The following ZNF385B variants were observed in gnomAD, a reference collection of about 807,000 sequenced individuals.
ZNF385B encodes the protein zinc finger protein 533.
Under a neutral mutation model 39.2 loss-of-function variants are expected in ZNF385B, and 23 were observed. The ratio of observed to expected loss-of-function variants is 0.59; its 90% CI spans 0.42 to 0.83. The LOEUF is 0.83. Among genes scored for constraint, ZNF385B ranks in the 40% least tolerant of loss-of-function variants. The pLI, the probability that ZNF385B is intolerant of heterozygous loss-of-function variation, is 0.00. For synonymous variants in ZNF385B, 205 were observed against 222.6 expected, an observed-to-expected ratio of 0.92 and a Z score of 0.70; for missense variants, 552 against 598.9, an observed-to-expected ratio of 0.92 and a Z score of 0.82.
At chr2:179,510,857 G>A (rs1449861790) in intron 5 of ZNF385B, among the ~76,000 whole-genome samples, 1 of 152,138 alleles carries the variant, frequency 6.6e-6, no homozygotes, top group African/African-American at 2.4e-5. Context: ...CACAGGGGAA[G>A]AGAAACATAA....
intron 4 of ZNF385B, among the ~76,000 whole-genome samples, chr2:179,535,465 C>T (rs2059503751): frequency 6.6e-6 from 1 of 151,992 alleles, no homozygotes; most frequent in Non-Finnish European, 1.5e-5. Flanking sequence ...TTTGTTTTTC[C>T]TTTTCAGTGG....
intron 3 of ZNF385B, among the ~76,000 whole-genome samples, chr2:179,757,102 C>A (rs943402321): frequency 6.6e-6 from 1 of 152,006 alleles, no homozygotes; most frequent in African/African-American, 2.4e-5. Flanking sequence ...TTTTATCTAC[C>A]TTTGGTCTTT....
In ZNF385B at chr2:179,592,829, CTGTGTCTT is replaced by C. The variant is rs1687681460; in HGVS notation, c.299-47868_299-47861del. On this transcript the variant is annotated intron_variant, in intron 3 of 9. Transcript: ENST00000410066. ...TCTAATCCTCATATACTTTATTTCTCTGTGTCTTTTTTGTTATTGAGAGCAGGCCCCAA... is the reference window on the plus strand; with the variant it reads ...TCTAATCCTCATATACTTTATTTCTCTTTTGTTATTGAGAGCAGGCCCCAA... Among the ~76,000 whole-genome samples, 24 of 152,228 alleles carry C rather than the reference CTGTGTCTT, an allele frequency of 1.6e-4. No homozygotes were observed. The South Asian group carries it at 5.0e-3, about 32-fold the overall frequency.
At chr2:179,621,766 C>T (rs185263548) in intron 3 of ZNF385B, among the ~76,000 whole-genome samples, 11 of 152,280 alleles carry the variant, frequency 7.2e-5, no homozygotes, top group African/African-American at 2.2e-4. Context: ...GAATCACCTC[C>T]GTGTCACACC....
Position 179,544,810 on chromosome 2 carries a change from G to A in ZNF385B, c.441+17C>T. 1 of 1,613,696 alleles carries A rather than the reference G, an allele frequency of 6.2e-7. No individual in the cohort carries two copies. ...GATGGAGGAGGACACAAATAAAATA[G>A]AAATGAATTTACTCACTGTGTTAAA... On this transcript the variant is annotated intron_variant, in intron 4 of 9. Coordinates refer to ENST00000410066, the MANE Select transcript of ZNF385B (RefSeq NM_152520.6).
At chr2:179,853,936 T>G (rs1432980106) in intron 1 of ZNF385B, among the ~76,000 whole-genome samples, 5 of 152,222 alleles carry the variant, frequency 3.3e-5, no homozygotes, top group African/African-American at 1.2e-4. Flanking sequence ...GGCTCTGCTA[T>G]TTCCCATCTT....
rs570996683 is a variant in ZNF385B at position 179,466,135 on chromosome 2, G to A, written c.715+17137C>T. Among the ~76,000 whole-genome samples the A allele has an allele frequency of 1.4e-4, 21 of 152,084 alleles. 1 individual carries two copies. The highest frequency in any genetic ancestry group is 9.8e-4 in the Admixed American group (15 of 15,246). Reference sequence around the variant, plus strand: ...TCATTGTTGTCAAGTCTATATATTCGCAATATATATTTAATGTCACTTGAG... The same window carrying A: ...TCATTGTTGTCAAGTCTATATATTCACAATATATATTTAATGTCACTTGAG... On this transcript the variant is annotated intron_variant, in intron 6 of 9. Transcript: ENST00000410066.
intron 3 of ZNF385B, among the ~76,000 whole-genome samples, chr2:179,693,036 A>G (rs1698469927): frequency 6.6e-6 from 1 of 152,256 alleles, no homozygotes; most frequent in Admixed American, 6.5e-5. Context: ...GACTTCACTC[A>G]AGAACTATTA....
At chr2:179,507,096 A>AT (rs2057306656) in intron 5 of ZNF385B, among the ~76,000 whole-genome samples, 1 of 152,222 alleles carries the variant, frequency 6.6e-6, no homozygotes, top group South Asian at 2.1e-4. Context: ...ATTTCTTTTC[A>AT]TTTTTTTAAA....
intron 1 of ZNF385B, among the ~76,000 whole-genome samples, chr2:179,843,201 C>T (rs1361842515): frequency 6.6e-6 from 1 of 152,208 alleles, no homozygotes; most frequent in African/African-American, 2.4e-5. Context: ...CATTTCTCTT[C>T]TAGTATGGAC....
intron 1 of ZNF385B, among the ~76,000 whole-genome samples, chr2:179,831,810 T>G (rs914907070): frequency 2.0e-5 from 3 of 152,202 alleles, no homozygotes; most frequent in Non-Finnish European, 4.4e-5. Context: ...GCCACTCCTG[T>G]GCCAAGCACA....
intron 3 of ZNF385B, among the ~76,000 whole-genome samples, chr2:179,665,636 G>A (rs1483894721): frequency 6.6e-6 from 1 of 152,042 alleles, no homozygotes; most frequent in Non-Finnish European, 1.5e-5. Context: ...TCACATCTTT[G>A]CACAACTGGA....
chr2:179,612,651 G>A (rs1015824123), intron 3 of ZNF385B, among the ~76,000 whole-genome samples: 1 of 152,176 alleles, frequency 6.6e-6, no homozygotes, highest in Non-Finnish European at 1.5e-5. Context: ...CACCACCACT[G>A]GGACTGCGCT....
chr2:179,546,247 C>A (rs1479029556), intron 3 of ZNF385B, among the ~76,000 whole-genome samples: 1 of 151,956 alleles, frequency 6.6e-6, no homozygotes, highest in South Asian at 2.1e-4. Flanking sequence ...ACATTGCCCA[C>A]GCTGGTCTCG....
chr2:179,848,032 G>A (rs1708888561), intron 1 of ZNF385B, among the ~76,000 whole-genome samples: 1 of 152,108 alleles, frequency 6.6e-6, no homozygotes, highest in African/African-American at 2.4e-5. Flanking sequence ...CATAACAAGA[G>A]GCAAGGTCTG....
At chr2:179,793,589 T>C (rs1261114652) in intron 1 of ZNF385B, among the ~76,000 whole-genome samples, 1 of 152,242 alleles carries the variant, frequency 6.6e-6, no homozygotes, top group Non-Finnish European at 1.5e-5. Context: ...AAGACGTGCC[T>C]GCTTTCACTT....
intron 3 of ZNF385B, among the ~76,000 whole-genome samples, chr2:179,716,667 T>G (rs2106396063): frequency 6.6e-6 from 1 of 152,258 alleles, no homozygotes; most frequent in Admixed American, 6.5e-5. Flanking sequence ...GGCAAGTTGC[T>G]TTTAACCAAC....
chr2:179,779,827 A>T (rs1704560692), intron 1 of ZNF385B, among the ~76,000 whole-genome samples: 1 of 152,166 alleles, frequency 6.6e-6, no homozygotes, highest in South Asian at 2.1e-4. Flanking sequence ...GTGTGAGGTA[A>T]TTGATATGTT....
intron 3 of ZNF385B, among the ~76,000 whole-genome samples, chr2:179,712,219 A>G (rs553997280): frequency 6.6e-6 from 1 of 152,276 alleles, no homozygotes; most frequent in African/African-American, 2.4e-5. Context: ...TGATAATACT[A>G]TGATTTCTAG....
Sources: allele counts gnomAD v4.1 joint callset (sites outside exome capture counted in the v4.1 genomes callset), GRCh38; gene constraint gnomAD v4.1.1; transcripts MANE v1.5; gene names NCBI Gene and HGNC (gene_info 2026-07-23, HGNC 2026-07-21).